Variants in BACH2 observed in about 807,000 individuals in gnomAD.
The protein encoded by BACH2 is transcription regulator protein BACH2.
Under a neutral mutation model 61.8 loss-of-function variants are expected in BACH2, and 5 were observed. The ratio of observed to expected loss-of-function variants is 0.08; its 90% CI spans 0.04 to 0.17. The LOEUF is 0.17. Among genes scored for constraint, BACH2 ranks in the 10% least tolerant of loss-of-function variants. BACH2 has a pLI of 1.00. For missense variants in BACH2, 824 were observed against 1,091.1 expected, an observed-to-expected ratio of 0.76 and a Z score of 3.45; for synonymous variants, 446 against 440.1, an observed-to-expected ratio of 1.01 and a Z score of -0.17.
intron 2 of BACH2, among the ~76,000 whole-genome samples, chr6:90,255,944 CA>C (rs1770963808): frequency 6.6e-6 from 1 of 152,172 alleles, no homozygotes; most frequent in Admixed American, 6.5e-5. Context: ...CTTCTCATAT[CA>C]ACCCCAAAAT....
At chr6:90,127,316 C>T (rs977396575) in intron 4 of BACH2, among the ~76,000 whole-genome samples, 27 of 152,302 alleles carry the variant, frequency 1.8e-4, no homozygotes, top group African/African-American at 5.1e-4. Context: ...AAGACGTGGA[C>T]CCCCTTTTTG....
chr6:90,229,112 C>T (rs1013833540), intron 3 of BACH2, among the ~76,000 whole-genome samples: 4 of 152,202 alleles, frequency 2.6e-5, no homozygotes, highest in African/African-American at 9.6e-5. Context: ...TGCTACACAT[C>T]AGAATCACCT....
chr6:90,055,874 C>T (rs2127796446), intron 5 of BACH2, among the ~76,000 whole-genome samples: 1 of 152,072 alleles, frequency 6.6e-6, no homozygotes, highest in East Asian at 1.9e-4. Context: ...CCAAACTAAG[C>T]TTCATAAGTG....
At chr6:90,007,373 C>T (rs1777464812) in intron 6 of BACH2, among the ~76,000 whole-genome samples, 1 of 151,980 alleles carries the variant, frequency 6.6e-6, no homozygotes, top group African/African-American at 2.4e-5. Context: ...TGCTATGTTG[C>T]CCAGGCTTGT....
At chr6:90,136,107 CTCCT>C (rs1359192595) in intron 4 of BACH2, among the ~76,000 whole-genome samples, 1 of 152,258 alleles carries the variant, frequency 6.6e-6, no homozygotes, top group Non-Finnish European at 1.5e-5. Context: ...CACCAGGGTT[CTCCT>C]TCCTGTGATC....
At chr6:90,037,329 T>C (rs1425557197) in intron 5 of BACH2, among the ~76,000 whole-genome samples, 1 of 152,230 alleles carries the variant, frequency 6.6e-6, no homozygotes, top group Non-Finnish European at 1.5e-5. Context: ...CGCTTTATGA[T>C]GAAGATGAAC....
chr6:90,029,856 G>A (rs1162933080), intron 5 of BACH2, among the ~76,000 whole-genome samples: 4 of 152,146 alleles, frequency 2.6e-5, no homozygotes, highest in African/African-American at 9.7e-5. Context: ...TCTAAGCAAT[G>A]CGACCGTTAG....
chr6:90,155,722 G>A (rs571452386), intron 4 of BACH2, among the ~76,000 whole-genome samples: 1 of 152,128 alleles, frequency 6.6e-6, no homozygotes, highest in South Asian at 2.1e-4. Flanking sequence ...TTTTTTCCTA[G>A]CAATTACCAC....
intron 4 of BACH2, among the ~76,000 whole-genome samples, chr6:90,192,659 C>G (rs1337052142): frequency 1.3e-5 from 2 of 152,114 alleles, no homozygotes; most frequent in East Asian, 3.8e-4. Flanking sequence ...TCACTCTAAC[C>G]ACAAGCTAAG....
chr6:90,214,941 G>T (rs1335011915), intron 3 of BACH2, among the ~76,000 whole-genome samples: 1 of 151,668 alleles, frequency 6.6e-6, no homozygotes, highest in Non-Finnish European at 1.5e-5. Context: ...TTTTTGTAGA[G>T]ACAGGGTTTT....
chr6:90,146,472 T>C (rs184491516), intron 4 of BACH2, among the ~76,000 whole-genome samples: 17 of 152,362 alleles, frequency 1.1e-4, no homozygotes, highest in African/African-American at 2.9e-4. Flanking sequence ...CACTGGCATA[T>C]ATGAAAGTTT....
At chr6:90,289,996 C>T (rs558647982) in intron 1 of BACH2, among the ~76,000 whole-genome samples, 132 of 152,272 alleles carry the variant, frequency 8.7e-4, no homozygotes, top group African/African-American at 3.1e-3. Flanking sequence ...GTACTCTTGG[C>T]AGTTAACTTC....
At chr6:90,199,193 C>T (rs2127847205) in intron 4 of BACH2, among the ~76,000 whole-genome samples, 1 of 152,314 alleles carries the variant, frequency 6.6e-6, no homozygotes, top group African/African-American at 2.4e-5. Context: ...CCAGCCAGTG[C>T]TTCACCACAC....
intron 4 of BACH2, among the ~76,000 whole-genome samples, chr6:90,204,554 A>T (rs1448632224): frequency 6.6e-6 from 1 of 152,096 alleles, no homozygotes; most frequent in Non-Finnish European, 1.5e-5. Flanking sequence ...CAACAGACAC[A>T]CCTACTGAGA....
chr6:90,184,671 C>T (rs1768288795), intron 4 of BACH2, among the ~76,000 whole-genome samples: 1 of 152,174 alleles, frequency 6.6e-6, no homozygotes, highest in South Asian at 2.1e-4. Context: ...AGCCCTAGCC[C>T]AGGGGCACAC....
chr6:90,143,126 C>T (rs1015645924), intron 4 of BACH2, among the ~76,000 whole-genome samples: 4 of 152,100 alleles, frequency 2.6e-5, no homozygotes, highest in African/African-American at 9.7e-5. Context: ...CTGGAGGGAA[C>T]GAGACAGTGA....
chr6:89,933,603 G>T (rs557764026), intron 8 of BACH2, among the ~76,000 whole-genome samples: 1 of 152,096 alleles, frequency 6.6e-6, no homozygotes, highest in East Asian at 1.9e-4. Flanking sequence ...TGCTGACAGT[G>T]GGGGAGGCTG....
At chr6:90,295,989 T>G (rs943837997) in intron 1 of BACH2, among the ~76,000 whole-genome samples, 6 of 151,594 alleles carry the variant, frequency 4.0e-5, no homozygotes, top group East Asian at 2.0e-4. Context: ...ACGCCGAGGG[T>G]TAAGGAGGAG....
At chr6:90,232,770 C>T (rs991310961) in intron 3 of BACH2, among the ~76,000 whole-genome samples, 1 of 152,116 alleles carries the variant, frequency 6.6e-6, no homozygotes, top group Non-Finnish European at 1.5e-5. Flanking sequence ...CTTCTCTTTC[C>T]GTCTTCATAA....
Sources: gnomAD v4.1 joint callset for allele counts (sites outside exome capture counted in the v4.1 genomes callset) on GRCh38, gnomAD v4.1.1 for gene constraint, MANE v1.5 for transcripts, NCBI Gene and HGNC (gene_info 2026-07-23, HGNC 2026-07-21) for gene names.